Variants in NARS2 observed in about 807,000 individuals in gnomAD.
NARS2 encodes asparaginyl-tRNA synthetase.
NARS2 carries 60 observed loss-of-function variants against 62.9 expected under a neutral mutation model. That is an observed-to-expected ratio of 0.95 (90% CI 0.77 to 1.18). The LOEUF (loss-of-function observed/expected upper bound fraction) is 1.18, where lower values mean the gene tolerates loss of function less well. Ranked by LOEUF, NARS2 falls within the 50% of genes most tolerant of loss-of-function variation. The pLI is 0.00. For missense variants in NARS2, 619 were observed against 576.4 expected, an observed-to-expected ratio of 1.07 and a Z score of -0.76; for synonymous variants, 196 against 200.0, an observed-to-expected ratio of 0.98 and a Z score of 0.17.
intron 11 of NARS2, among the ~76,000 whole-genome samples, chr11:78,462,667 T>C (rs1040357327): frequency 1.3e-5 from 2 of 152,208 alleles, no homozygotes; most frequent in Admixed American, 6.5e-5. Flanking sequence ...CACTCCAGTT[T>C]TTCATTTATA....
chr11:78,480,323 T>C (rs1303164459), intron 7 of NARS2, among the ~76,000 whole-genome samples: 1 of 148,854 alleles, frequency 6.7e-6, no homozygotes, highest in Non-Finnish European at 1.5e-5. Flanking sequence ...AGTGGTGCAA[T>C]GGCTCACTGT....
intron 6 of NARS2, among the ~76,000 whole-genome samples, chr11:78,521,287 C>G (rs1015058933): frequency 2.5e-4 from 38 of 151,750 alleles, no homozygotes; most frequent in African/African-American, 8.7e-4. Flanking sequence ...GCCTTACTCT[C>G]CCAAGTAGCT....
intron 7 of NARS2, among the ~76,000 whole-genome samples, chr11:78,492,687 T>A (rs1480055433): frequency 6.6e-6 from 1 of 152,232 alleles, no homozygotes; most frequent in African/African-American, 2.4e-5. Context: ...AAATCAGAGC[T>A]ACTATTTAGT....
chr11:78,468,864 T>C (rs529486930), intron 10 of NARS2, among the ~76,000 whole-genome samples: 2 of 150,220 alleles, frequency 1.3e-5, no homozygotes, highest in East Asian at 3.9e-4. Context: ...ACTTTGGGGC[T>C]CAAGCAATCT....
rs200806067 is a variant in NARS2 at position 78,458,915 on chromosome 11, T to C, written c.1164+6961A>G. 5.9e-5 allele frequency among the ~76,000 whole-genome samples: 9 copies of C among 151,278 alleles called. No homozygotes were observed. In the East Asian group the frequency reaches 1.7e-3, roughly 29 times the overall value. ...GGAGATCTGATGGTGGGTTTTTTTT[T>C]TGTTTGTTTGTTTGTTTTTTTGAGA... On this transcript the variant is annotated intron_variant, in intron 11 of 13. Coordinates refer to ENST00000281038, the MANE Select transcript of NARS2 (RefSeq NM_024678.6).
intron 1 of NARS2, 128 bp from the exon 2 acceptor site, chr11:78,571,572 G>C (rs552610023): frequency 1.3e-5 from 8 of 627,252 alleles, no homozygotes; most frequent in Non-Finnish European, 2.3e-5. Flanking sequence ...ACTTCTTTTA[G>C]TTCACCAATA....
chr11:78,510,689 TC>T (rs1407666530), intron 6 of NARS2, among the ~76,000 whole-genome samples: 2 of 152,214 alleles, frequency 1.3e-5, no homozygotes, highest in East Asian at 3.8e-4. Context: ...GAATATATAT[TC>T]ATTAAAAATG....
chr11:78,559,747 A>G (rs1400991033), intron 4 of NARS2, 128 bp from the exon 5 acceptor site: 5 of 608,170 alleles, frequency 8.2e-6, no homozygotes, highest in African/African-American at 1.9e-5. Flanking sequence ...AATCCCCTAA[A>G]TATTAAGACT....
At chr11:78,497,030 G>A (rs1860087012) in intron 6 of NARS2, among the ~76,000 whole-genome samples, 1 of 152,014 alleles carries the variant, frequency 6.6e-6, no homozygotes, top group South Asian at 2.1e-4. Flanking sequence ...AAAACCAGGT[G>A]AAAGGCCAGT....
At chr11:78,459,516 C>T (rs112903899) in intron 11 of NARS2, among the ~76,000 whole-genome samples, 7,354 of 146,518 alleles carry the variant, frequency 0.05, 856 homozygotes, top group African/African-American at 0.19. Context: ...GTGATCCACC[C>T]GCCTCGGCCT....
chr11:78,511,054 A>G (rs984369066), intron 6 of NARS2, among the ~76,000 whole-genome samples: 1 of 152,182 alleles, frequency 6.6e-6, no homozygotes, highest in South Asian at 2.1e-4. Context: ...AGTGACAGAA[A>G]TAATTCTTTT....
chr11:78,474,910 A>T (rs1591172299), intron 9 of NARS2, among the ~76,000 whole-genome samples: 2 of 149,882 alleles, frequency 1.3e-5, no homozygotes. Context: ...CACATGCTTC[A>T]CTTTTTTTTT....
At chr11:78,547,597 GGAGGC>G (rs1855931306) in intron 5 of NARS2, among the ~76,000 whole-genome samples, 4 of 151,940 alleles carry the variant, frequency 2.6e-5, no homozygotes, top group East Asian at 1.9e-4. Flanking sequence ...CAGCATTTTG[GGAGGC>G]CACGGCAGGC....
chr11:78,532,823 A>G (rs1861528742), intron 5 of NARS2, among the ~76,000 whole-genome samples: 1 of 152,228 alleles, frequency 6.6e-6, no homozygotes, highest in Non-Finnish European at 1.5e-5. Flanking sequence ...TCTTTCCTGA[A>G]AAAGAATAAG....
chr11:78,563,215 ATTTTTTT>A (rs71046983), intron 4 of NARS2, among the ~76,000 whole-genome samples: 2 of 115,708 alleles, frequency 1.7e-5, no homozygotes, highest in African/African-American at 3.4e-5. Flanking sequence ...AACCACTTGA[ATTTTTTT>A]TTTTTTTTTT....
intron 3 of NARS2, among the ~76,000 whole-genome samples, 176 bp downstream of exon 3, chr11:78,568,456 A>G (rs944079978): frequency 6.6e-6 from 1 of 152,178 alleles, no homozygotes; most frequent in Non-Finnish European, 1.5e-5. Flanking sequence ...ACCTCTCACT[A>G]AGCTATGTAC....
At chr11:78,524,364 A>G (rs1861226778) in intron 6 of NARS2, among the ~76,000 whole-genome samples, 1 of 140,508 alleles carries the variant, frequency 7.1e-6, no homozygotes, top group Non-Finnish European at 1.6e-5. Context: ...GTATTCCTCT[A>G]GAAAAACTGT....
intron 11 of NARS2, among the ~76,000 whole-genome samples, chr11:78,452,927 A>G (rs1858024923): frequency 6.6e-6 from 1 of 152,214 alleles, no homozygotes; most frequent in East Asian, 1.9e-4. Context: ...AGATACACAT[A>G]GTTTATCTGT....
At chr11:78,494,516 A>C (rs1859975916) in intron 6 of NARS2, among the ~76,000 whole-genome samples, 1 of 150,366 alleles carries the variant, frequency 6.7e-6, no homozygotes, top group Non-Finnish European at 1.5e-5. Context: ...AGGAAACATA[A>C]AGTAACTATG....
Sources: allele counts gnomAD v4.1 joint callset (sites outside exome capture counted in the v4.1 genomes callset), GRCh38; gene constraint gnomAD v4.1.1; transcripts MANE v1.5; gene names NCBI Gene and HGNC (gene_info 2026-07-23, HGNC 2026-07-21).